SLC9B2: variants seen among roughly 807,000 people sequenced by gnomAD.
SLC9B2 encodes sodium/hydrogen exchanger 9B2.
A neutral mutation model predicts 52.2 loss-of-function variants in SLC9B2; 39 were observed. The ratio of observed to expected loss-of-function variants is 0.75; its 90% CI spans 0.58 to 0.98. SLC9B2 has a LOEUF of 0.98. Among genes scored for constraint, SLC9B2 ranks in the 50% least tolerant of loss-of-function variants. The probability of loss-of-function intolerance (pLI) is 0.00; values close to 1 mark genes in which losing one functional copy is unlikely to be tolerated. For missense variants in SLC9B2, 626 were observed against 637.5 expected (o/e 0.98, Z 0.19); for synonymous variants, 214 against 227.0 (o/e 0.94, Z 0.51).
At chr4:103,069,905 G>A (rs528421451) in intron 1 of SLC9B2, among the ~76,000 whole-genome samples, 4 of 152,210 alleles carry the variant, frequency 2.6e-5, no homozygotes, top group Admixed American at 6.5e-5. Flanking sequence ...AAGCCTTTGC[G>A]AACAAATTTT....
At chr4:103,069,203 A>G (rs146564600) in intron 1 of SLC9B2, among the ~76,000 whole-genome samples, 71 of 152,330 alleles carry the variant, frequency 4.7e-4, no homozygotes, top group African/African-American at 1.3e-3. Context: ...ACTTGTCTTA[A>G]AGGCATGGAG....
intron 5 of SLC9B2, 47 bp from the exon 6 acceptor site, chr4:103,049,067 C>A (rs1316165498): frequency 6.3e-7 from 1 of 1,596,562 alleles, no homozygotes; most frequent in Non-Finnish European, 8.5e-7. Context: ...TGAAGATGTG[C>A]AGAGAAGATG....
At chr4:103,047,256 A>G (rs944324647) in intron 6 of SLC9B2, 30 bp from the exon 7 acceptor site, 13 of 1,573,230 alleles carry the variant, frequency 8.3e-6, no homozygotes, top group Non-Finnish European at 6.9e-6. Context: ...AACATTTATG[A>G]TAACATCTTA....
chr4:103,062,027 T>C (rs1745688990), intron 3 of SLC9B2, among the ~76,000 whole-genome samples: 1 of 152,164 alleles, frequency 6.6e-6, no homozygotes. Context: ...ATATCAGAGG[T>C]AGAATGGGAA....
downstream of SLC9B2, among the ~76,000 whole-genome samples, chr4:103,020,753 C>T (rs971240080): frequency 2.0e-5 from 3 of 152,088 alleles, no homozygotes; most frequent in African/African-American, 7.2e-5. Flanking sequence ...CCTCCTGCCT[C>T]CTGAGTAGCT....
At chr4:103,071,378 AT>A (rs550340712) in intron 1 of SLC9B2, among the ~76,000 whole-genome samples, 7,226 of 90,246 alleles carry the variant, frequency 0.08, 291 homozygotes, top group African/African-American at 0.15. Context: ...TAATTTTTGT[AT>A]TTTTTTTTTT....
At chr4:103,051,813 T>C (rs1744711937) in intron 4 of SLC9B2, among the ~76,000 whole-genome samples, 2 of 152,270 alleles carry the variant, frequency 1.3e-5, no homozygotes, top group South Asian at 2.1e-4. Context: ...TATACACTGC[T>C]GTACGGCTTG....
rs565776654 is a variant in SLC9B2, at chr4:103,067,629, G to T, written c.-42-37C>A. The stretch of plus-strand genomic sequence containing the variant: ...GAGTATAGATATAGAGCAGTAATTT[G>T]AAAGTCTTGTGATTTCAAAGACTTT... On this transcript the variant is annotated intron_variant, in intron 1 of 11. Transcript: ENST00000394785. 7.2e-5 allele frequency: 84 copies of T among 1,160,036 alleles called. No individual in the cohort carries two copies. The South Asian group carries it at 1.0e-3, about 14-fold the overall frequency. 71.9% of individuals were successfully genotyped at this position (1,160,036 alleles called of 1,614,324 possible).
At chr4:103,051,463 G>A (rs1427437447) in intron 4 of SLC9B2, among the ~76,000 whole-genome samples, 1 of 152,166 alleles carries the variant, frequency 6.6e-6, no homozygotes, top group Non-Finnish European at 1.5e-5. Context: ...CATCACTCCA[G>A]GTATCTCTCA....
downstream of SLC9B2, chr4:103,019,569 AAGG>A (rs1284058621): frequency 1.0e-6 from 1 of 985,152 alleles, no homozygotes; most frequent in Non-Finnish European, 1.2e-6. Context: ...AAGGGCTTGG[AAGG>A]GCGGCGTTAA....
intron 9 of SLC9B2, among the ~76,000 whole-genome samples, chr4:103,033,292 G>A (rs1742863780): frequency 6.6e-6 from 1 of 152,036 alleles, no homozygotes; most frequent in Non-Finnish European, 1.5e-5. Context: ...ACAGAAAAAT[G>A]GGCAATGAAC....
chr4:103,045,074 A>G lies in SLC9B2; in HGVS notation c.890-78T>C, dbSNP rs950814684. ...TTTTATTCCACAATCATCAACATGA[A>G]GCATCTAATTACAAAGAAGAAACAT... On this transcript the variant is annotated intron_variant, in intron 7 of 11. Coordinates refer to ENST00000394785, the MANE Select transcript of SLC9B2 (RefSeq NM_178833.7). 24 of 904,782 alleles carry G rather than the reference A, an allele frequency of 2.7e-5. No homozygotes were observed. The African/African-American group carries it at 3.4e-4, about 13-fold the overall frequency. The allele number at this position is 904,782 out of a possible 1,614,324, so 56.0% of individuals were successfully genotyped here. A position where few individuals can be genotyped will look rare whatever the true frequency, so the allele number is the denominator to read the frequency against.
chr4:103,043,481 C>A (rs1168317473), intron 8 of SLC9B2, 36 bp from the exon 9 acceptor site: 2 of 1,553,270 alleles, frequency 1.3e-6, no homozygotes, highest in African/African-American at 1.4e-5. Flanking sequence ...TCAATTATTT[C>A]AAATCCCTGA....
At chr4:103,058,652 T>G (rs1262601191) in intron 3 of SLC9B2, among the ~76,000 whole-genome samples, 1 of 152,200 alleles carries the variant, frequency 6.6e-6, no homozygotes, top group African/African-American at 2.4e-5. Context: ...TCCTCCTGTC[T>G]CAGCCTTCCA....
Position 103,039,184 on chromosome 4 carries a change from T to C in SLC9B2, c.1146+4112A>G, listed in dbSNP as rs1000526639. On this transcript the variant is annotated intron_variant, in intron 9 of 11. Transcript: ENST00000394785. ...GAAAGTAGTAGAACTGGGATTGGCA[T>C]CCCAATCTCCATATTTTAAATCTTA... Among the ~76,000 whole-genome samples the C allele has an allele frequency of 9.8e-5, 15 of 152,350 alleles. No homozygotes were observed. In the South Asian group the frequency reaches 3.1e-3, roughly 32 times the overall value.
Position 103,023,167 on chromosome 4 carries a change from T to C in SLC9B2, c.*3203A>G, listed in dbSNP as rs1741922302. ...GTTTTCTGATATTGAGAGAGGATCC[T>C]CTTCCTCTCAGATTTAGTCAGTAAA... is the stretch of plus-strand genomic sequence containing the variant. On this transcript the variant is annotated 3_prime_UTR_variant, in exon 12 of 12. Transcript: ENST00000394785. 6.6e-6 allele frequency among the ~76,000 whole-genome samples: 1 copy of C among 152,236 alleles called. No homozygotes were observed. Among genetic ancestry groups the C allele is most frequent in the South Asian group, 2.1e-4 (1 of 4,836 alleles).
intron 11 of SLC9B2, 108 bp downstream of exon 11, chr4:103,028,639 A>C (rs1251431707): frequency 1.1e-5 from 15 of 1,320,584 alleles, no homozygotes; most frequent in Non-Finnish European, 1.5e-5. Context: ...TCATAAATCC[A>C]CTTCAATTAT....
chr4:103,048,785 A>T, intron 6 of SLC9B2, 108 bp downstream of exon 6: 1 of 1,332,310 alleles, frequency 7.5e-7, no homozygotes, highest in Non-Finnish European at 1.0e-6. Context: ...TCTATGTTGC[A>T]TTTTCTGATA....
chr4:103,062,817 A>G (rs7675837), intron 3 of SLC9B2, among the ~76,000 whole-genome samples: 76,960 of 151,892 alleles, frequency 0.51, 21,690 homozygotes, highest in African/African-American at 0.78. Flanking sequence ...TCACTATGTT[A>G]GCCAGGCTGG....
Sources: gnomAD v4.1 joint callset for allele counts (sites outside exome capture counted in the v4.1 genomes callset) on GRCh38, gnomAD v4.1.1 for gene constraint, MANE v1.5 for transcripts, NCBI Gene and HGNC (gene_info 2026-07-23, HGNC 2026-07-21) for gene names.